Variants in KAZN observed in about 807,000 individuals in gnomAD.
The protein encoded by KAZN is kazrin, periplakin interacting protein.
KAZN carries 40 observed loss-of-function variants against 87.4 expected under a neutral mutation model. That is an observed-to-expected ratio of 0.46 (90% CI 0.36 to 0.60). KAZN has a LOEUF of 0.60. Among genes scored for constraint, KAZN ranks in the 20% least tolerant of loss-of-function variants. The pLI is 0.00. For synonymous variants in KAZN, 466 were observed against 458.3 expected, an observed-to-expected ratio of 1.02 and a Z score of -0.22; for missense variants, 898 against 1,073.9, an observed-to-expected ratio of 0.84 and a Z score of 2.29.
intron 2 of KAZN, among the ~76,000 whole-genome samples, chr1:14,542,941 C>T (rs1342055475): frequency 7.1e-6 from 1 of 140,234 alleles, no homozygotes; most frequent in African/African-American, 2.7e-5. Flanking sequence ...GGCAGCCCTG[C>T]TCTTGGGTAT....
chr1:15,003,200 G>T (rs1668673270), intron 2 of KAZN, among the ~76,000 whole-genome samples: 1 of 152,130 alleles, frequency 6.6e-6, no homozygotes, highest in East Asian at 1.9e-4. Flanking sequence ...TGTCGTGGAG[G>T]TGAGCACCCC....
rs369819378 is a variant in KAZN at position 14,748,352 on chromosome 1, G to C, written c.226+149129G>C. 8.5e-5 allele frequency among the ~76,000 whole-genome samples: 13 copies of C among 152,318 alleles called. No homozygotes were observed. In the East Asian group the frequency reaches 1.9e-3, roughly 23 times the overall value. On this transcript the variant is annotated intron_variant, in intron 1 of 14. Coordinates refer to ENST00000376030, the MANE Select transcript of KAZN (RefSeq NM_201628.3). ...CTCATTCATTGGCGTTTCCTCTGGG[G>C]ATATAGAGTGGGCATCATCGCATGG...
intron 3 of KAZN, among the ~76,000 whole-genome samples, chr1:15,041,114 C>T (rs978873832): frequency 5.3e-5 from 7 of 131,316 alleles, no homozygotes; most frequent in East Asian, 2.0e-4. Context: ...CCACACCTGG[C>T]GAATTTTTGT....
At chr1:14,513,532 C>G (rs939174302) in intron 2 of KAZN, among the ~76,000 whole-genome samples, 3 of 152,064 alleles carry the variant, frequency 2.0e-5, no homozygotes, top group Non-Finnish European at 4.4e-5. Context: ...CTAGTTTTTT[C>G]CGTCTTTCTA....
chr1:14,718,409 T>C (rs1642919079), intron 1 of KAZN, among the ~76,000 whole-genome samples: 1 of 152,222 alleles, frequency 6.6e-6, no homozygotes, highest in African/African-American at 2.4e-5. Context: ...CAACCTGGCA[T>C]GTGGACGTCC....
chr1:14,993,158 A>G (rs2101964559), intron 2 of KAZN, among the ~76,000 whole-genome samples: 1 of 141,450 alleles, frequency 7.1e-6, no homozygotes, highest in African/African-American at 2.7e-5. Flanking sequence ...CAAAGGTTAC[A>G]TAAGCAATTA....
chr1:14,194,443 G>A (rs1646484974), intron 2 of KAZN, among the ~76,000 whole-genome samples: 1 of 152,132 alleles, frequency 6.6e-6, no homozygotes, highest in African/African-American at 2.4e-5. Context: ...ACTGTTACTT[G>A]CTCTTTTGCA....
Position 14,167,388 on chromosome 1 carries a change from T to C in KAZN, c.92-13047T>C, listed in dbSNP as rs1325405121. 3.9e-5 allele frequency among the ~76,000 whole-genome samples: 6 copies of C among 152,150 alleles called. No homozygotes were observed. In the South Asian group the frequency reaches 1.0e-3, roughly 26 times the overall value. ...ATCTCTATCTGGCGTGGGTTACCAG[T>C]AGTCTAATTTAAAAATCAAGGCTAA... On this transcript the variant is annotated intron_variant, in intron 1 of 16. Coordinates refer to the KAZN transcript ENST00000636203.
intron 1 of KAZN, among the ~76,000 whole-genome samples, chr1:14,051,862 A>C (rs10754908): frequency 0.56 from 85,577 of 151,978 alleles, 24,394 homozygotes; most frequent in East Asian, 0.7. Flanking sequence ...AACCAACCAA[A>C]CAACAACAAC....
At chr1:14,103,964 G>T (rs1644314749) in intron 1 of KAZN, among the ~76,000 whole-genome samples, 1 of 152,146 alleles carries the variant, frequency 6.6e-6, no homozygotes, top group Non-Finnish European at 1.5e-5. Context: ...TCTTTACTGT[G>T]CAGGCAGACA....
At chr1:15,087,003 G>A (rs1015441158) in intron 8 of KAZN, among the ~76,000 whole-genome samples, 8 of 152,248 alleles carry the variant, frequency 5.3e-5, no homozygotes, top group African/African-American at 1.9e-4. Flanking sequence ...CCCAGATGCT[G>A]CTGATGCTAC....
At chr1:14,513,163 T>C (rs2148448203) in intron 2 of KAZN, among the ~76,000 whole-genome samples, 1 of 152,290 alleles carries the variant, frequency 6.6e-6, no homozygotes, top group South Asian at 2.1e-4. Flanking sequence ...TAGAATCATG[T>C]CCAATTTCTT....
intron 2 of KAZN, among the ~76,000 whole-genome samples, chr1:14,423,838 C>T (rs2101334540): frequency 6.6e-6 from 1 of 152,214 alleles, no homozygotes; most frequent in African/African-American, 2.4e-5. Flanking sequence ...ACAAATTCTC[C>T]TCTGAGAAGG....
At chr1:14,372,216 A>G (rs1475531845) in intron 2 of KAZN, among the ~76,000 whole-genome samples, 2 of 152,240 alleles carry the variant, frequency 1.3e-5, no homozygotes, top group African/African-American at 4.8e-5. Flanking sequence ...AATCCCTAAG[A>G]TTACATATAG....
chr1:14,178,548 C>A (rs193048859), intron 1 of KAZN, among the ~76,000 whole-genome samples: 20 of 152,228 alleles, frequency 1.3e-4, no homozygotes, highest in African/African-American at 4.6e-4. Flanking sequence ...TTTAAATATT[C>A]TACTTTTCTC....
intron 2 of KAZN, among the ~76,000 whole-genome samples, chr1:14,466,292 CTT>C (rs1668123787): frequency 6.6e-6 from 1 of 151,504 alleles, no homozygotes; most frequent in African/African-American, 2.4e-5. Context: ...ACACAGGACA[CTT>C]TGAGTTATAA....
Position 15,060,162 on chromosome 1 carries a change from T to G in KAZN, c.917-10T>G. On this transcript the variant is annotated splice_polypyrimidine_tract_variant and intron_variant, in intron 5 of 14. Coordinates refer to ENST00000376030, the MANE Select transcript of KAZN (RefSeq NM_201628.3). ...CCATCCCTCACTCACCAGCTGTCCC[T>G]GCTTTCCAGCGGTCAGGGTGAGCCC... is the stretch of plus-strand genomic sequence containing the variant. 6.2e-7 allele frequency: 1 copy of G among 1,614,102 alleles called. No homozygotes were observed. Among genetic ancestry groups the G allele is most frequent in the Non-Finnish European group, 8.5e-7 (1 of 1,179,972 alleles).
chr1:14,239,281 T>C (rs1264487391), intron 2 of KAZN, among the ~76,000 whole-genome samples: 1 of 152,148 alleles, frequency 6.6e-6, no homozygotes, highest in Non-Finnish European at 1.5e-5. Flanking sequence ...TTTTCTGTTA[T>C]CACCCCAAAA....
At chr1:14,740,109 C>G (rs1227006943) in intron 1 of KAZN, among the ~76,000 whole-genome samples, 1 of 152,076 alleles carries the variant, frequency 6.6e-6, no homozygotes, top group Non-Finnish European at 1.5e-5. Flanking sequence ...AGACCCAAGC[C>G]GAGTGTGTGC....
Sources: gnomAD v4.1 joint callset for allele counts (sites outside exome capture counted in the v4.1 genomes callset) on GRCh38, gnomAD v4.1.1 for gene constraint, MANE v1.5 for transcripts, NCBI Gene and HGNC (gene_info 2026-07-23, HGNC 2026-07-21) for gene names.